The following ESR1 variants were observed in gnomAD, a reference collection of about 807,000 sequenced individuals.
The protein encoded by ESR1 is estrogen receptor.
Under a neutral mutation model 52.7 loss-of-function variants are expected in ESR1, and 12 were observed. The ratio of observed to expected loss-of-function variants is 0.23; its 90% CI spans 0.15 to 0.37. The LOEUF (loss-of-function observed/expected upper bound fraction) is 0.37. Ranked by LOEUF, ESR1 falls within the 10% of genes least tolerant of loss-of-function variation. ESR1 has a pLI of 1.00. For missense variants in ESR1, 584 were observed against 779.7 expected (o/e 0.75, Z 2.99); for synonymous variants, 305 against 316.8 (o/e 0.96, Z 0.39).
chr6:151,769,476 G>A (rs189437802), intron 2 of ESR1, among the ~76,000 whole-genome samples: 1 of 152,192 alleles, frequency 6.6e-6, no homozygotes, highest in Admixed American at 6.5e-5. Context: ...ATGGCAAGGG[G>A]AAAGTTAAAG....
Position 151,931,373 on chromosome 6 carries a change from T to G in ESR1, c.761-12800T>G, listed in dbSNP as rs561192830. 1.5e-4 allele frequency among the ~76,000 whole-genome samples: 23 copies of G among 152,314 alleles called. 1 individual carries two copies. The South Asian group carries it at 2.9e-3, about 19-fold the overall frequency. ...ATTTCTAGCATTTGCTTTTGATTCT[T>G]TCTTAAAATTTCTATCTTTCTGCTT... On this transcript the variant is annotated intron_variant, in intron 3 of 7. Transcript: ENST00000206249.
chr6:151,764,118 A>C (rs1426573102), intron 2 of ESR1, among the ~76,000 whole-genome samples: 4 of 152,078 alleles, frequency 2.6e-5, no homozygotes. Context: ...AGGGCGACCA[A>C]CCGGCCTGGT....
At chr6:152,058,580 A>G (rs931282161) in intron 5 of ESR1, among the ~76,000 whole-genome samples, 5 of 152,144 alleles carry the variant, frequency 3.3e-5, no homozygotes, top group East Asian at 3.8e-4. Context: ...TAGGATGACA[A>G]TTTCTTCAAT....
At chr6:152,065,413 C>G (rs1205026704) in intron 6 of ESR1, among the ~76,000 whole-genome samples, 1 of 152,110 alleles carries the variant, frequency 6.6e-6, no homozygotes, top group Non-Finnish European at 1.5e-5. Context: ...AGAAAACCAC[C>G]CTTTCAGTGA....
chr6:151,970,754 T>C (rs894352295), intron 4 of ESR1, among the ~76,000 whole-genome samples: 15 of 152,324 alleles, frequency 9.8e-5, no homozygotes, highest in Admixed American at 2.0e-4. Flanking sequence ...CTCTCTAAAC[T>C]CCTGTTCAAG....
At chr6:151,999,305 C>T (rs1291285862) in intron 4 of ESR1, among the ~76,000 whole-genome samples, 3 of 151,966 alleles carry the variant, frequency 2.0e-5, no homozygotes, top group Non-Finnish European at 4.4e-5. Context: ...ATCTTCAAAT[C>T]TTGATGCATT....
At chr6:151,784,319 T>C (rs1414292413) in intron 2 of ESR1, among the ~76,000 whole-genome samples, 1 of 152,226 alleles carries the variant, frequency 6.6e-6, no homozygotes, top group African/African-American at 2.4e-5. Context: ...GCTTCATGGA[T>C]ATTTATTTTA....
At chr6:151,677,382 T>C (rs1778288456) in intron 1 of ESR1, among the ~76,000 whole-genome samples, 1 of 152,194 alleles carries the variant, frequency 6.6e-6, no homozygotes, top group Non-Finnish European at 1.5e-5. Flanking sequence ...CTCCAAATGA[T>C]TTTTAAGGCA....
chr6:151,726,409 G>A, intron 2 of ESR1, among the ~76,000 whole-genome samples: 1 of 151,546 alleles, frequency 6.6e-6, no homozygotes, highest in Non-Finnish European at 1.5e-5. Context: ...TCGGCTCACT[G>A]CAAGCTCCGC....
chr6:152,030,463 A>G (rs1047713755), intron 5 of ESR1, among the ~76,000 whole-genome samples: 11 of 152,134 alleles, frequency 7.2e-5, no homozygotes, highest in African/African-American at 2.4e-4. Flanking sequence ...CAAATGGAAA[A>G]CAAAAAAAGG....
rs1582936026 is a variant in ESR1 at position 151,700,750 on chromosome 6, A to G, written c.-201-1125A>G. 2.0e-5 allele frequency among the ~76,000 whole-genome samples: 3 copies of G among 150,992 alleles called. No individual in the cohort carries two copies. The East Asian group carries it at 5.8e-4, about 29-fold the overall frequency. On this transcript the variant is annotated intron_variant, in intron 1 of 2. Coordinates refer to the ESR1 transcript ENST00000404742. ...TGGAATTAGGAAAAAATAAAAACACAGGCATACTAATATTTCAGATGGAAA... is the reference window on the plus strand; with the variant it reads ...TGGAATTAGGAAAAAATAAAAACACGGGCATACTAATATTTCAGATGGAAA...
At chr6:151,691,052 A>G (rs1778902648) in intron 1 of ESR1, among the ~76,000 whole-genome samples, 1 of 152,220 alleles carries the variant, frequency 6.6e-6, no homozygotes, top group Non-Finnish European at 1.5e-5. Flanking sequence ...AATTGGACAA[A>G]TCTCAGAGTA....
intron 2 of ESR1, among the ~76,000 whole-genome samples, chr6:151,721,811 A>G (rs1255813455): frequency 3.3e-5 from 5 of 152,262 alleles, no homozygotes; most frequent in Non-Finnish European, 5.9e-5. Context: ...CTGTTCAACA[A>G]GATTTCATTC....
chr6:152,095,512 G>A (rs2050537176), intron 7 of ESR1, among the ~76,000 whole-genome samples: 2 of 152,180 alleles, frequency 1.3e-5, no homozygotes, highest in Admixed American at 1.3e-4. Context: ...GCTGGGACAT[G>A]TTCTCATCGC....
At chr6:151,932,381 A>G (rs2033761830) in intron 3 of ESR1, among the ~76,000 whole-genome samples, 2 of 117,662 alleles carry the variant, frequency 1.7e-5, no homozygotes, top group South Asian at 6.5e-4. Flanking sequence ...AGGTTGCGAA[A>G]ATTTTCTCCC....
intron 3 of ESR1, among the ~76,000 whole-genome samples, chr6:151,881,574 C>T (rs1025693979): frequency 4.6e-5 from 7 of 152,150 alleles, no homozygotes; most frequent in African/African-American, 1.7e-4. Flanking sequence ...AACATTGCTT[C>T]TAGTCTTGGA....
chr6:151,744,780 T>C (rs946487645), intron 2 of ESR1, among the ~76,000 whole-genome samples: 2 of 152,242 alleles, frequency 1.3e-5, no homozygotes, highest in South Asian at 2.1e-4. Context: ...TCTAAGAAAC[T>C]GTTTCTAATC....
At chr6:151,816,490 A>G (rs1414746084) in intron 1 of ESR1, among the ~76,000 whole-genome samples, 1 of 152,238 alleles carries the variant, frequency 6.6e-6, no homozygotes, top group Non-Finnish European at 1.5e-5. Flanking sequence ...CTGGCACATA[A>G]CAAGTCATTA....
At chr6:151,713,095 T>C (rs1654766928) in intron 2 of ESR1, among the ~76,000 whole-genome samples, 1 of 152,132 alleles carries the variant, frequency 6.6e-6, no homozygotes, top group South Asian at 2.1e-4. Flanking sequence ...ATTGAGATAA[T>C]CATGTGGTTT....
Sources: allele counts gnomAD v4.1 joint callset (sites outside exome capture counted in the v4.1 genomes callset), GRCh38; gene constraint gnomAD v4.1.1; transcripts MANE v1.5; gene names NCBI Gene and HGNC (gene_info 2026-07-23, HGNC 2026-07-21).